PRODH2: variants seen among roughly 807,000 people sequenced by gnomAD.
The protein encoded by PRODH2 is proline dehydrogenase 2.
In PRODH2, 49 loss-of-function variants were observed where a neutral mutation model predicts 51.9. The observed-to-expected ratio is 0.94, with a 90% CI of 0.75 to 1.20. The LOEUF is 1.20. Ranked by LOEUF, PRODH2 falls within the 50% of genes most tolerant of loss-of-function variation. The probability of loss-of-function intolerance (pLI) is 0.00; values close to 1 mark genes in which losing one functional copy is unlikely to be tolerated. For missense variants in PRODH2, 597 were observed against 610.9 expected, an observed-to-expected ratio of 0.98 and a Z score of 0.24; for synonymous variants, 249 against 260.7, an observed-to-expected ratio of 0.96 and a Z score of 0.43.
intron 9 of PRODH2, among the ~76,000 whole-genome samples, 198 bp from the exon 10 acceptor site, chr19:35,800,420 T>C (rs531785986): frequency 1.3e-5 from 2 of 152,280 alleles, no homozygotes; most frequent in East Asian, 3.9e-4. Context: ...GGCTCATTTT[T>C]GTATTTTTAG....
chr19:35,807,140 A>C lies in PRODH2; in HGVS notation c.598-19T>G. 6.5e-7 allele frequency: 1 copy of C among 1,527,742 alleles called. No homozygotes were observed. The highest frequency in any genetic ancestry group is 8.9e-7 in the Non-Finnish European group (1 of 1,125,718). The allele number at this position is 1,527,742 out of a possible 1,614,324, so 94.6% of individuals were successfully genotyped here. A position where few individuals can be genotyped will look rare whatever the true frequency, so the allele number is the denominator to read the frequency against. ...GGAGGTTCTAGGGGGCAGCAGGGGAAGTGGGGAAAAGCTTATAAGTTGCTA... is the reference window on the plus strand; with the variant it reads ...GGAGGTTCTAGGGGGCAGCAGGGGACGTGGGGAAAAGCTTATAAGTTGCTA... On this transcript the variant is annotated intron_variant, in intron 4 of 9. Coordinates refer to ENST00000653904, the MANE Select transcript of PRODH2 (RefSeq NM_021232.2).
At chr19:35,810,914 G>A (rs1325173441) in intron 4 of PRODH2, among the ~76,000 whole-genome samples, 1 of 152,112 alleles carries the variant, frequency 6.6e-6, no homozygotes, top group Non-Finnish European at 1.5e-5. Context: ...GTAGTTCATT[G>A]TTTTACCTTG....
chr19:35,803,451 C>T (rs1386317159), intron 7 of PRODH2, among the ~76,000 whole-genome samples: 4 of 151,970 alleles, frequency 2.6e-5, no homozygotes, highest in Admixed American at 6.6e-5. Context: ...GACGGAGTTT[C>T]GCCATGTTGC....
At chr19:35,808,812 CT>C (rs1555755838) in intron 4 of PRODH2, among the ~76,000 whole-genome samples, 1,345 of 131,172 alleles carry the variant, frequency 0.01, 12 homozygotes, top group African/African-American at 0.032. Context: ...TTCCTTCCTT[CT>C]TTTTTTTTTT....
At chr19:35,801,911 C>T in intron 9 of PRODH2, 1 of 437,918 alleles carries the variant, frequency 2.3e-6, no homozygotes, top group Non-Finnish European at 4.2e-6. Context: ...CTGCTTAGCA[C>T]CTGGCAGAAG....
Position 35,806,492 on chromosome 19 carries a change from C to T in PRODH2, c.939G>A (p.Ala313=), listed in dbSNP as rs139800914. The part of the protein sequence containing the change: ...VRGAYLDKER[A]VAQLHGMEDP... ...CTTCCATCCCATGGAGCTGGGCCAC[C>T]GCTCTCTCCTTGTCCAGATATGCAC... The change falls in exon 7 of 10, where the codon GCG becomes GCA. Residue 313 remains alanine (A), a synonymous_variant. Transcript: ENST00000653904. The T allele has an allele frequency of 8.7e-5, 140 of 1,614,144 alleles. 1 individual carries two copies. The Admixed American group carries it at 9.8e-4, about 11-fold the overall frequency.
chr19:35,803,677 A>G (rs401522), intron 7 of PRODH2, among the ~76,000 whole-genome samples: 143,777 of 152,274 alleles, frequency 0.94, 68,097 homozygotes, highest in African/African-American at 0.99. Context: ...GTCGCATCAC[A>G]TGCACAAGAT....
chr19:35,811,508 GGAGA>G (rs1213187089), intron 4 of PRODH2, among the ~76,000 whole-genome samples: 1 of 148,322 alleles, frequency 6.7e-6, no homozygotes, highest in African/African-American at 2.5e-5. Flanking sequence ...AAGGAAGGAA[GGAGA>G]GAGAGCAAAA....
intron 9 of PRODH2, among the ~76,000 whole-genome samples, chr19:35,801,420 G>C (rs762026623): frequency 8.6e-5 from 13 of 151,978 alleles, no homozygotes; most frequent in Admixed American, 6.6e-5. Flanking sequence ...GAGCCAAGAT[G>C]GCACCACTGG....
At chr19:35,806,372 C>G in intron 7 of PRODH2, 58 bp downstream of exon 7, 1 of 1,599,858 alleles carries the variant, frequency 6.3e-7, no homozygotes, top group Non-Finnish European at 8.5e-7. Context: ...GTATGAGCCA[C>G]TGCACCCAAC....
chr19:35,811,870 G>C, intron 4 of PRODH2, 92 bp downstream of exon 4: 2 of 1,252,096 alleles, frequency 1.6e-6, no homozygotes, highest in Non-Finnish European at 2.3e-6. Context: ...AAGCCTGGAG[G>C]TGGCCGTAGC....
rs753188506 is a variant in PRODH2 at position 35,807,074 on chromosome 19, C to T, written c.645G>A (p.Arg215=). 4.5e-6 allele frequency: 7 copies of T among 1,552,286 alleles called. No homozygotes were observed. The African/African-American group carries it at 8.2e-5, about 18-fold the overall frequency. ...CLNAEQNQHL[R]ASLSRLHRVA... ...CCCGATGCAGGCGGCTGAGGGAGGC[C>T]CGGAGGTGCTGGTTCTGCTCAGCAT... is the stretch of plus-strand genomic sequence containing the variant. The change falls in exon 5 of 10, where the codon CGG becomes CGA. Residue 215 remains arginine (R), a synonymous_variant. Transcript: ENST00000653904.
In PRODH2 at chr19:35,800,082, G is replaced by T. The variant is rs138295402; in HGVS notation, c.1339C>A (p.Leu447Met). ...CATCCTGGCAGCAGCCGCCGCCACA[G>T]TTCTTGGCTGAGCAGCTCCTGTTCC... The part of the protein sequence containing the change: ...RREQELLSQE[L>M]WRRLLPGCRR... The change falls in exon 10 of 10, where the codon CTG (leucine) becomes ATG (methionine). Residue 447 changes from leucine to methionine, a missense_variant. Physicochemically the swap from Leu to Met is conservative, Grantham distance 15 (BLOSUM62 2). Transcript: ENST00000653904. The T allele has an allele frequency of 1.2e-6, 2 of 1,612,394 alleles. No homozygotes were observed. Among genetic ancestry groups the T allele is most frequent in the Non-Finnish European group, 1.7e-6 (2 of 1,179,410 alleles).
chr19:35,801,654 A>C (rs1429510210), intron 9 of PRODH2: 1 of 153,450 alleles, frequency 6.5e-6, no homozygotes, highest in Non-Finnish European at 1.5e-5. Context: ...AACTTCCCCA[A>C]GTTAAGCTGG....
In PRODH2 at chr19:35,806,544, AGGCC is replaced by A. The variant is rs780675930; in HGVS notation, c.883_886del (p.Gly295TrpfsTer5). 3.1e-6 allele frequency: 5 copies of A among 1,614,156 alleles called. No homozygotes were observed. The highest frequency in any genetic ancestry group is 4.2e-6 in the Non-Finnish European group (5 of 1,180,020). On this transcript the variant is annotated frameshift_variant, in exon 7 of 10. Coordinates refer to ENST00000653904, the MANE Select transcript of PRODH2 (RefSeq NM_021232.2). LOFTEE classifies it high-confidence loss of function. The stretch of plus-strand genomic sequence containing the variant: ...TCGTACCAGCTTCACTCCGAAGGCC[AGGCC>A]GGCCCTGTGCGCAGCCTCTGCATCC...
chr19:35,807,381 C>T (rs1333709298), intron 4 of PRODH2, among the ~76,000 whole-genome samples: 1 of 151,924 alleles, frequency 6.6e-6, no homozygotes, highest in African/African-American at 2.4e-5. Flanking sequence ...CAGCTCACTG[C>T]AACCTCTGCC....
At chr19:35,802,130 G>T in intron 9 of PRODH2, 61 bp downstream of exon 9, 1 of 1,493,172 alleles carries the variant, frequency 6.7e-7, no homozygotes, top group Non-Finnish European at 9.3e-7. Context: ...TAGGAGAAGG[G>T]CTCTGGCTGG....
intron 4 of PRODH2, 34 bp from the exon 5 acceptor site, chr19:35,807,155 A>C (rs372801549): frequency 6.7e-7 from 1 of 1,494,736 alleles, no homozygotes; most frequent in African/African-American, 1.4e-5. Context: ...GGAAAAGCTT[A>C]TAAGTTGCTA....
rs531989406 is a variant in PRODH2, at chr19:35,801,478, T to TAAATA, written c.1198+708_1198+712dup. Among the ~76,000 whole-genome samples the TAAATA allele has an allele frequency of 5.6e-3, 849 of 151,406 alleles. 8 individuals carry two copies. The highest frequency in any genetic ancestry group is 0.02 in the African/African-American group (820 of 41,248). On this transcript the variant is annotated intron_variant, in intron 9 of 9. Coordinates refer to ENST00000653904, the MANE Select transcript of PRODH2 (RefSeq NM_021232.2). Reference sequence around the variant, plus strand: ...AAGACTCTGTCTCAAAATAAATAAATAAATAAAATAAAATAAAAGAGAAAA... The same window carrying TAAATA: ...AAGACTCTGTCTCAAAATAAATAAATAAATAAAATAAAATAAAATAAAAGAGAAAA...
Sources: allele counts gnomAD v4.1 joint callset (sites outside exome capture counted in the v4.1 genomes callset), GRCh38; gene constraint gnomAD v4.1.1; transcripts MANE v1.5; gene names NCBI Gene and HGNC (gene_info 2026-07-23, HGNC 2026-07-21).